ATP8A1: variants seen among roughly 807,000 people sequenced by gnomAD.
ATP8A1 encodes the protein ATPase phospholipid transporting 8A1.
ATP8A1 carries 90 observed loss-of-function variants against 177.7 expected under a neutral mutation model. The observed-to-expected ratio is 0.51, with a 90% confidence interval of 0.43 to 0.60. The LOEUF is 0.60. Among genes scored for constraint, ATP8A1 ranks in the 20% least tolerant of loss-of-function variants. The pLI is 0.00. For missense variants in ATP8A1, 1,072 were observed against 1,392.8 expected, an observed-to-expected ratio of 0.77 and a Z score of 3.67; for synonymous variants, 493 against 485.9, an observed-to-expected ratio of 1.01 and a Z score of -0.19.
chr4:42,547,667 A>C (rs1458192436), intron 19 of ATP8A1, among the ~76,000 whole-genome samples: 1 of 152,114 alleles, frequency 6.6e-6, no homozygotes, highest in East Asian at 1.9e-4. Flanking sequence ...CTTTGAAAAT[A>C]CTCCATTCTG....
intron 25 of ATP8A1, among the ~76,000 whole-genome samples, chr4:42,481,438 C>T (rs1177463245): frequency 6.6e-6 from 1 of 152,144 alleles, no homozygotes; most frequent in African/African-American, 2.4e-5. Flanking sequence ...TTTTGTAGGT[C>T]ACAAAACCAA....
chr4:42,635,972 C>G (rs1577748807), intron 1 of ATP8A1, among the ~76,000 whole-genome samples: 1 of 151,390 alleles, frequency 6.6e-6, no homozygotes, highest in Non-Finnish European at 1.5e-5. Flanking sequence ...GCCTTTTCAT[C>G]TCTCCAGATG....
rs899659844 is a variant in ATP8A1, at chr4:42,585,589, C to T, written c.722+760G>A. ...CTTCTAGTGCCTTGATTTCGGACTC[C>T]CCAGTTTCCAGAACTGTGAGCAATA... is the stretch of plus-strand genomic sequence containing the variant. On this transcript the variant is annotated intron_variant, in intron 9 of 36. Coordinates refer to ENST00000381668, the MANE Select transcript of ATP8A1 (RefSeq NM_006095.2). 2.3e-4 allele frequency among the ~76,000 whole-genome samples: 34 copies of T among 150,016 alleles called. 1 individual carries two copies. Among genetic ancestry groups the T allele is most frequent in the Non-Finnish European group, 1.0e-4 (7 of 67,710 alleles).
At position 42,473,760 on chromosome 4, in the gene ATP8A1, C is replaced by T. The variant is rs147627028; in HGVS notation, c.2325-8684G>A. Among the ~76,000 whole-genome samples, 1,430 of 152,124 alleles carry T rather than the reference C, an allele frequency of 9.4e-3. 11 individuals are homozygous for T. The highest frequency in any genetic ancestry group is 0.031 in the African/African-American group (1,290 of 41,496). On this transcript the variant is annotated intron_variant, in intron 25 of 36. Transcript: ENST00000381668. ...TCTTGGGCTCAAGTGATCCTCCTAC[C>T]TCAGCCTCCCGAGTAGCTGGGACTA...
At chr4:42,605,403 T>C (rs1361054420) in intron 5 of ATP8A1, among the ~76,000 whole-genome samples, 3 of 150,732 alleles carry the variant, frequency 2.0e-5, no homozygotes, top group Admixed American at 6.7e-5. Context: ...CAACATGCTG[T>C]GACTTTACAG....
At chr4:42,593,798 TAAAAG>T (rs1163029760) in intron 6 of ATP8A1, among the ~76,000 whole-genome samples, 1 of 151,764 alleles carries the variant, frequency 6.6e-6, no homozygotes, top group Non-Finnish European at 1.5e-5. Context: ...TGAAAGAACT[TAAAAG>T]AAAGAGCAAA....
At chr4:42,573,401 C>A (rs1434277705) in intron 14 of ATP8A1, among the ~76,000 whole-genome samples, 3 of 152,186 alleles carry the variant, frequency 2.0e-5, no homozygotes, top group African/African-American at 7.2e-5. Context: ...GTGGCTGCAA[C>A]TCTCCTGCTC....
At chr4:42,620,629 A>T (rs1207175549) in intron 4 of ATP8A1, among the ~76,000 whole-genome samples, 2 of 152,202 alleles carry the variant, frequency 1.3e-5, no homozygotes, top group African/African-American at 4.8e-5. Context: ...CCTTGTTTGG[A>T]TTCTGACAGC....
At chr4:42,598,919 A>G (rs1256574017) in intron 6 of ATP8A1, among the ~76,000 whole-genome samples, 1 of 152,186 alleles carries the variant, frequency 6.6e-6, no homozygotes, top group Admixed American at 6.5e-5. Flanking sequence ...ACTTTTGGCA[A>G]CACTTTAAAT....
At chr4:42,614,051 C>T (rs1736656944) in intron 5 of ATP8A1, among the ~76,000 whole-genome samples, 1 of 152,078 alleles carries the variant, frequency 6.6e-6, no homozygotes, top group South Asian at 2.1e-4. Flanking sequence ...GAAGCTTTTC[C>T]TCTCACTTGC....
intron 20 of ATP8A1, among the ~76,000 whole-genome samples, chr4:42,534,428 A>C (rs1224080845): frequency 6.6e-6 from 1 of 152,212 alleles, no homozygotes; most frequent in Non-Finnish European, 1.5e-5. Flanking sequence ...GCTCAAAGAC[A>C]GGGCTTTTAA....
intron 33 of ATP8A1, 36 bp downstream of exon 33, chr4:42,443,529 G>A: frequency 1.2e-6 from 1 of 858,220 alleles, no homozygotes; most frequent in Non-Finnish European, 2.0e-6. Flanking sequence ...CAGTTTTTAA[G>A]GTTTTGTTGG....
At chr4:42,451,947 G>T (rs747136442) in intron 30 of ATP8A1, 34 bp downstream of exon 30, 6 of 1,437,728 alleles carry the variant, frequency 4.2e-6, no homozygotes, top group Admixed American at 1.9e-5. Context: ...AAAGTAAAAA[G>T]TCATCTCTTT....
chr4:42,588,320 T>C lies in ATP8A1; in HGVS notation c.534A>G (p.Gln178=). Reference sequence around the variant, plus strand: ...TGGATGTTTCAATGTAGCACATGGCTTGGGGCTCACTGTAGTTTGGAGTTG... The same window carrying C: ...TGGATGTTTCAATGTAGCACATGGCCTGGGGCTCACTGTAGTTTGGAGTTG... The part of the protein sequence containing the change: ...DLISLSSSEP[Q]AMCYIETSNL... Residue 178 remains glutamine (Q), a synonymous_variant, in exon 8 of 37, where the codon CAA becomes CAG. Coordinates refer to ENST00000381668, the MANE Select transcript of ATP8A1 (RefSeq NM_006095.2). 1 of 1,613,600 alleles carries C rather than the reference T, an allele frequency of 6.2e-7. No individual in the cohort carries two copies. Among genetic ancestry groups the C allele is most frequent in the South Asian group, 1.1e-5 (1 of 90,900 alleles).
chr4:42,648,956 G>A (rs1016534912), intron 1 of ATP8A1, among the ~76,000 whole-genome samples: 4 of 152,140 alleles, frequency 2.6e-5, no homozygotes, highest in Non-Finnish European at 5.9e-5. Context: ...CACTTTCAGT[G>A]GGAGTGTAAA....
intron 22 of ATP8A1, among the ~76,000 whole-genome samples, chr4:42,507,794 A>AAAAAG (rs1553890646): frequency 7.3e-6 from 1 of 137,896 alleles, no homozygotes; most frequent in Non-Finnish European, 1.6e-5. Context: ...AAAAAAAAAA[A>AAAAAG]AAAAAAAAAA....
At chr4:42,427,789 G>A (rs865844424) in intron 33 of ATP8A1, among the ~76,000 whole-genome samples, 31 of 152,210 alleles carry the variant, frequency 2.0e-4, no homozygotes, top group African/African-American at 6.3e-4. Context: ...GAGTCACAGC[G>A]CAGAGCAGCG....
At chr4:42,481,520 T>C (rs1322493193) in intron 25 of ATP8A1, among the ~76,000 whole-genome samples, 1 of 152,228 alleles carries the variant, frequency 6.6e-6, no homozygotes, top group Non-Finnish European at 1.5e-5. Context: ...TGTGAATCTC[T>C]AGATAAAATG....
intron 5 of ATP8A1, among the ~76,000 whole-genome samples, chr4:42,610,857 G>T (rs1736294959): frequency 6.6e-6 from 1 of 152,124 alleles, no homozygotes; most frequent in Non-Finnish European, 1.5e-5. Flanking sequence ...ACATACACGT[G>T]GCAGAATATA....
Sources: allele counts gnomAD v4.1 joint callset (sites outside exome capture counted in the v4.1 genomes callset), GRCh38; gene constraint gnomAD v4.1.1; transcripts MANE v1.5; gene names NCBI Gene and HGNC (gene_info 2026-07-23, HGNC 2026-07-21).